The following ARHGEF2 variants were observed in gnomAD, a reference collection of about 807,000 sequenced individuals.
ARHGEF2 encodes the protein Rho/Rac guanine nucleotide exchange factor 2, also known as rho guanine nucleotide exchange factor 2.
ARHGEF2 carries 22 observed loss-of-function variants against 121.0 expected under a neutral mutation model. The observed-to-expected ratio is 0.18, with a 90% CI of 0.13 to 0.26. The LOEUF (loss-of-function observed/expected upper bound fraction) is 0.26. Ranked by LOEUF, ARHGEF2 falls within the 10% of genes least tolerant of loss-of-function variation. The pLI, the probability that ARHGEF2 is intolerant of heterozygous loss-of-function variation, is 1.00. For missense variants in ARHGEF2, 907 were observed against 1,336.0 expected (o/e 0.68, Z 5.01); for synonymous variants, 487 against 530.0 (o/e 0.92, Z 1.11).
intron 1 of ARHGEF2, chr1:155,972,362 G>A: frequency 2.2e-6 from 1 of 455,854 alleles, no homozygotes; most frequent in Non-Finnish European, 4.4e-6. Flanking sequence ...CCCTGGCACT[G>A]CCTAGTGCTA....
At chr1:155,949,338 T>A (rs774204796) in intron 21 of ARHGEF2, among the ~76,000 whole-genome samples, 13 of 151,778 alleles carry the variant, frequency 8.6e-5, no homozygotes, top group Non-Finnish European at 1.8e-4. Context: ...TCCCAGCACT[T>A]TGGGAGGCCA....
At chr1:155,969,043 C>T in intron 2 of ARHGEF2, 113 bp downstream of exon 2, 1 of 1,386,870 alleles carries the variant, frequency 7.2e-7, no homozygotes, top group Non-Finnish European at 1.0e-6. Flanking sequence ...TTGGGCCCAG[C>T]TGGGGATCAG....
In ARHGEF2 at chr1:155,951,530, C is replaced by A; in HGVS notation, c.2212G>T (p.Ala738Ser). 1.2e-6 allele frequency: 2 copies of A among 1,614,160 alleles called. No homozygotes were observed. The highest frequency in any genetic ancestry group is 1.1e-5 in the South Asian group (1 of 91,078). Residue 738 changes from alanine to serine, a missense_variant, in exon 19 of 22, where the codon GCG becomes TCG. Coordinates refer to ENST00000361247, the MANE Select transcript of ARHGEF2 (RefSeq NM_001162383.2). This position sits in a 1 kb window ranked among gnomAD's most constrained non-coding sequence, Gnocchi z 5.1. Reference protein sequence around the residue: ...GNQLRSPQEEALQRLVNLYGL... With the variant: ...GNQLRSPQEESLQRLVNLYGL... ...TAGAGATTGACCAATCGCTGTAACG[C>A]CTCCTGAGGACAGACAGGGTGGGAA...
rs1296321151 is a variant in ARHGEF2 at position 155,952,663 on chromosome 1, C to T, written c.1949G>A (p.Arg650His). The T allele has an allele frequency of 9.3e-6, 15 of 1,613,660 alleles. No homozygotes were observed. Among genetic ancestry groups the T allele is most frequent in the African/African-American group, 5.3e-5 (4 of 74,924 alleles). ...GGCATCCTGCAGCAGCCGCTCGCCA[C>T]GAGGGGACTCAAGGGACTCAGAGCG... is the stretch of plus-strand genomic sequence containing the variant. ...LFRSESLESP[R>H]GERLLQDAIR... is the part of the protein sequence containing the mutation. Residue 650 changes from arginine (R) to histidine (H), a missense_variant, in exon 15 of 22, where the codon CGT becomes CAT. By Grantham distance (29) the Arg-to-His change is conservative. This residue lies in a region of ARHGEF2 where 432 missense variants were observed against 559.5 expected (regional missense o/e 0.77). Transcript: ENST00000361247.
rs751635031 is a variant in ARHGEF2, at chr1:155,969,180, C to T, written c.184G>A (p.Ala62Thr). 1 of 1,614,236 alleles carries T rather than the reference C, an allele frequency of 6.2e-7. No homozygotes were observed. The highest frequency in any genetic ancestry group is 1.1e-5 in the South Asian group (1 of 91,086). ...MCYACNKSIT[A>T]KEALICPTCN... ...CTTGGGCAGATGAGGGCTTCCTTGG[C>T]TGTGATGCTCTTGTTACAGGCATAG... Residue 62 changes from alanine (A) to threonine (T), a missense_variant, in exon 2 of 22, where the codon GCC becomes ACC. Physicochemically the swap from Ala to Thr is moderately conservative, Grantham distance 58. Transcript: ENST00000361247.
At position 155,950,982 on chromosome 1, in the gene ARHGEF2, C is replaced by T. The variant is rs919401248; in HGVS notation, c.2550G>A (p.Glu850=). The T allele has an allele frequency of 1.6e-5, 26 of 1,609,594 alleles. No homozygotes were observed. The highest frequency in any genetic ancestry group is 2.2e-5 in the Non-Finnish European group (26 of 1,178,842). ...RESEQARALL[E]REAEEARRQL... ...GCCTTCGAGCCTCTTCGGCCTCACGCTCCAGCAGTGCCCGGGCCTGCTCAC... is the reference window on the plus strand; with the variant it reads ...GCCTTCGAGCCTCTTCGGCCTCACGTTCCAGCAGTGCCCGGGCCTGCTCAC... Residue 850 remains glutamate (E), a synonymous_variant, in exon 20 of 22, where the codon GAG becomes GAA. Transcript: ENST00000361247. The surrounding 1 kb of genome is among the most constrained non-coding windows in gnomAD (Gnocchi z 5.2).
In ARHGEF2 at chr1:155,951,251, T is replaced by C. The variant is rs1675392272; in HGVS notation, c.2281A>G (p.Thr761Ala). The C allele has an allele frequency of 5.0e-6, 8 of 1,605,922 alleles. No individual in the cohort carries two copies. The highest frequency in any genetic ancestry group is 6.8e-6 in the Non-Finnish European group (8 of 1,174,854). ...TCAGGGAACCGGGCTTCCATCAGAGTGTCCTGCTGGGCCACAGCTGCCTGG... is the reference window on the plus strand; with the variant it reads ...TCAGGGAACCGGGCTTCCATCAGAGCGTCCTGCTGGGCCACAGCTGCCTGG... ...GLQAAVAQQD[T>A]LMEARFPEGP... Residue 761 changes from threonine (T) to alanine (A), a missense_variant, in exon 20 of 22, where the codon ACT (threonine) becomes GCT (alanine). Physicochemically the swap from Thr to Ala is moderately conservative, Grantham distance 58. Around this residue, in one of 2 missense-constraint regions of ARHGEF2, gnomAD observed 432 missense variants for 559.5 expected, o/e 0.77. Transcript: ENST00000361247. The surrounding 1 kb of genome is among the most constrained non-coding windows in gnomAD (Gnocchi z 5.1).
At chr1:155,968,513 A>T (rs1225708758) in intron 2 of ARHGEF2, 3 of 152,220 alleles carry the variant, frequency 2.0e-5, no homozygotes, top group Non-Finnish European at 4.4e-5. Flanking sequence ...TACTCCCTAA[A>T]GACAGGACTA....
Position 155,951,297 on chromosome 1 carries a change from G to A in ARHGEF2, c.2260-25C>T. 1.3e-6 allele frequency: 2 copies of A among 1,583,074 alleles called. No individual in the cohort carries two copies. The highest frequency in any genetic ancestry group is 1.7e-6 in the Non-Finnish European group (2 of 1,162,000). On this transcript the variant is annotated intron_variant, in intron 19 of 21. Transcript: ENST00000361247. The surrounding 1 kb of genome is among the most constrained non-coding windows in gnomAD (Gnocchi z 5.1). ...CCTGGGAGTAGAATGCAGGCAGAAGGGTTTATCAGAACCCCTGTGCTCTTC... is the reference window on the plus strand; with the variant it reads ...CCTGGGAGTAGAATGCAGGCAGAAGAGTTTATCAGAACCCCTGTGCTCTTC...
chr1:155,950,832 T>G lies in ARHGEF2; in HGVS notation c.2700A>C (p.Pro900=). 1.3e-6 allele frequency: 2 copies of G among 1,522,134 alleles called. No individual in the cohort carries two copies. Among genetic ancestry groups the G allele is most frequent in the Non-Finnish European group, 1.8e-6 (2 of 1,135,068 alleles). 94.3% of individuals were successfully genotyped at this position (1,522,134 alleles called of 1,614,324 possible). A position where few individuals can be genotyped will look rare whatever the true frequency, so the allele number is the denominator to read the frequency against. The change falls in exon 20 of 22, where the codon CCA becomes CCC. Residue 900 remains proline (P), a synonymous_variant. Transcript: ENST00000361247. This position sits in a 1 kb window ranked among gnomAD's most constrained non-coding sequence, Gnocchi z 5.2. The part of the protein sequence containing the change: ...GDALYLSFNP[P]QPSRGTDRLD... ...TCACCACTGCAGGCCACCTTACCTG[T>G]GGGGGGTTGAAACTCAAGTACAGGG...
rs1164429815 is a variant in ARHGEF2, at chr1:155,947,407, A to AGTAAGAG, written c.*528_*534dup. The AGTAAGAG allele has an allele frequency of 2.2e-6, 1 of 456,670 alleles. No homozygotes were observed. The highest frequency in any genetic ancestry group is 1.5e-5 in the South Asian group (1 of 64,558). The allele number at this position is 456,670 out of a possible 1,614,324, so 28.3% of individuals were successfully genotyped here. On this transcript the variant is annotated 3_prime_UTR_variant, in exon 22 of 22. Transcript: ENST00000361247. Reference sequence around the variant, plus strand: ...GAAGGACGGAGAAAGGGAGAACAGCAGTAAGAGGTTGAGGGGAGAGGAGAA... The same window carrying AGTAAGAG: ...GAAGGACGGAGAAAGGGAGAACAGCAGTAAGAGGTAAGAGGTTGAGGGGAGAGGAGAA...
rs941300768 is a variant in ARHGEF2 at position 155,969,022 on chromosome 1, G to A, written c.208+134C>T. 3.7e-6 allele frequency: 4 copies of A among 1,095,010 alleles called. No individual in the cohort carries two copies. In the African/African-American group the frequency reaches 6.3e-5, roughly 17 times the overall value. 67.8% of individuals were successfully genotyped at this position (1,095,010 alleles called of 1,614,324 possible). ...ACAGGGAGCAAGGGATCAAGCAACT[G>A]GCCCTGGCATTTGGGCCCAGCTGGG... On this transcript the variant is annotated intron_variant, in intron 2 of 21. Coordinates refer to ENST00000361247, the MANE Select transcript of ARHGEF2 (RefSeq NM_001162383.2).
Position 155,978,242 on chromosome 1 carries a change from C to A in ARHGEF2, c.63+123G>T. The A allele has an allele frequency of 1.7e-6, 2 of 1,159,226 alleles. No homozygotes were observed. Among genetic ancestry groups the A allele is most frequent in the Non-Finnish European group, 2.2e-6 (2 of 907,882 alleles). 71.8% of individuals were successfully genotyped at this position (1,159,226 alleles called of 1,614,324 possible). On this transcript the variant is annotated intron_variant, in intron 1 of 21. Transcript: ENST00000361247. The surrounding 1 kb of genome is among the most constrained non-coding windows in gnomAD (Gnocchi z 4.1). ...CCACCCCGTCCCGCCGCTCGCCGAT[C>A]CACCGCTCCGCCCGATTTTGGCGCC...
chr1:155,970,731 A>G (rs1680291663), intron 1 of ARHGEF2: 16 of 985,834 alleles, frequency 1.6e-5, no homozygotes, highest in Non-Finnish European at 1.9e-5. Context: ...TGGGGCAGAA[A>G]ATGGTAGAAA....
In ARHGEF2 at chr1:155,965,576, C is replaced by T; in HGVS notation, c.470+55G>A. On this transcript the variant is annotated intron_variant, in intron 5 of 21. Transcript: ENST00000361247. The surrounding 1 kb of genome is among the most constrained non-coding windows in gnomAD (Gnocchi z 6.0). ...ATGGAAAGGGACCTCTCAGCACCCCCTTGGCCTCCACTGCCACACTCTCTG... is the reference window on the plus strand; with the variant it reads ...ATGGAAAGGGACCTCTCAGCACCCCTTTGGCCTCCACTGCCACACTCTCTG... The T allele has an allele frequency of 6.2e-7, 1 of 1,610,984 alleles. No homozygotes were observed. Among genetic ancestry groups the T allele is most frequent in the Non-Finnish European group, 8.5e-7 (1 of 1,179,496 alleles).
At chr1:155,979,244 G>A, upstream of ARHGEF2, 1 of 985,568 alleles carries the variant, frequency 1.0e-6, no homozygotes, top group Non-Finnish European at 1.2e-6. Context: ...TACTTTGGGG[G>A]ACTAGGTTGG....
upstream of ARHGEF2, among the ~76,000 whole-genome samples, chr1:155,979,469 T>C (rs551752419): frequency 2.6e-4 from 40 of 152,340 alleles, no homozygotes; most frequent in African/African-American, 9.6e-4. Context: ...AGTTTCCTGC[T>C]ATTGGGAAAA....
At chr1:155,964,673 A>T (rs1465319291) in intron 7 of ARHGEF2, among the ~76,000 whole-genome samples, 1 of 151,990 alleles carries the variant, frequency 6.6e-6, no homozygotes, top group Non-Finnish European at 1.5e-5. Context: ...TAATCCCAGC[A>T]CTTTGGGAGG....
chr1:155,965,867 T>G lies in ARHGEF2; in HGVS notation c.341-107A>C. 7.5e-7 allele frequency: 1 copy of G among 1,326,694 alleles called. No individual in the cohort carries two copies. The highest frequency in any genetic ancestry group is 1.0e-6 in the Non-Finnish European group (1 of 1,001,738). 82.2% of individuals were successfully genotyped at this position (1,326,694 alleles called of 1,614,324 possible). On this transcript the variant is annotated intron_variant, in intron 4 of 21. Coordinates refer to ENST00000361247, the MANE Select transcript of ARHGEF2 (RefSeq NM_001162383.2). This position sits in a 1 kb window ranked among gnomAD's most constrained non-coding sequence, Gnocchi z 6.0. The stretch of plus-strand genomic sequence containing the variant: ...GAATGAGGCATCCTCTCACTCCACC[T>G]CAGCCCCTCTAGTCAAGAAAGATGG...
Sources: allele counts gnomAD v4.1 joint callset (sites outside exome capture counted in the v4.1 genomes callset), GRCh38; gene constraint gnomAD v4.1.1; regional missense constraint gnomAD v4.1.1; non-coding constraint Gnocchi (gnomAD v3.1); transcripts MANE v1.5; gene names NCBI Gene and HGNC (gene_info 2026-07-23, HGNC 2026-07-21).